The following RELCH variants were observed in gnomAD, a reference collection of about 807,000 sequenced individuals.
RELCH encodes the protein RAB11-binding protein RELCH.
In RELCH, 41 loss-of-function variants were observed where a neutral mutation model predicts 150.3. That is an observed-to-expected ratio of 0.27 (90% confidence interval 0.21 to 0.35). RELCH has a LOEUF of 0.35. RELCH is among the 10% of genes least tolerant of loss of function. The pLI is 1.00. For missense variants in RELCH, 1,092 were observed against 1,467.8 expected (o/e 0.74, Z 4.18); for synonymous variants, 478 against 531.8 (o/e 0.90, Z 1.39).
At chr18:62,235,423 A>G (rs2041830937) in intron 10 of RELCH, 2 of 151,952 alleles carry the variant, frequency 1.3e-5, no homozygotes, top group African/African-American at 4.8e-5. Flanking sequence ...GCACATCACT[A>G]TTGTCTGTTC....
rs572074009 is a variant in RELCH, at chr18:62,220,209, T to G, written c.617-828T>G. 2.6e-5 allele frequency among the ~76,000 whole-genome samples: 4 copies of G among 152,210 alleles called. No individual in the cohort carries two copies. In the South Asian group the frequency reaches 8.3e-4, roughly 32 times the overall value. On this transcript the variant is annotated intron_variant, in intron 2 of 28. Coordinates refer to ENST00000644646, the MANE Select transcript of RELCH (RefSeq NM_001346231.2). Reference sequence around the variant, plus strand: ...CTATTAGAAGAGTTATCAGAAACTTTGAAATTCTACTTAATCCTACTCAGT... The same window carrying G: ...CTATTAGAAGAGTTATCAGAAACTTGGAAATTCTACTTAATCCTACTCAGT...
At chr18:62,232,638 C>T (rs2041650068) in intron 10 of RELCH, among the ~76,000 whole-genome samples, 1 of 151,964 alleles carries the variant, frequency 6.6e-6, no homozygotes, top group Non-Finnish European at 1.5e-5. Context: ...CATGTTTTTC[C>T]AATTTTGCTT....
intron 26 of RELCH, among the ~76,000 whole-genome samples, chr18:62,290,933 C>T (rs900092438): frequency 6.6e-6 from 1 of 152,144 alleles, no homozygotes; most frequent in Admixed American, 6.5e-5. Flanking sequence ...TTGATATAGG[C>T]ATCTCTTTTG....
At chr18:62,283,162 TTATGAAAAACA>T (rs2044610750) in intron 25 of RELCH, among the ~76,000 whole-genome samples, 1 of 152,234 alleles carries the variant, frequency 6.6e-6, no homozygotes, top group Admixed American at 6.5e-5. Context: ...AGACATGTTC[TTATGAAAAACA>T]GACATTTCTT....
intron 22 of RELCH, 91 bp downstream of exon 22, chr18:62,275,564 T>C: frequency 1.3e-6 from 1 of 768,192 alleles, no homozygotes. Flanking sequence ...AAAAAGGCTT[T>C]GCATATCATG....
rs545508432 is a variant in RELCH, at chr18:62,195,211, A to G, written c.526+7180A>G. ...CTTGTAGCATCGTTGTAATGTTCCT[A>G]CTAAATTTACATGATGAACCAATTA... On this transcript the variant is annotated intron_variant, in intron 1 of 28. Transcript: ENST00000644646. Among the ~76,000 whole-genome samples, 4 of 152,206 alleles carry G rather than the reference A, an allele frequency of 2.6e-5. No individual in the cohort carries two copies. In the East Asian group the frequency reaches 7.7e-4, roughly 29 times the overall value.
At chr18:62,273,895 C>A in intron 20 of RELCH, 85 bp from the exon 21 acceptor site, 2 of 831,944 alleles carry the variant, frequency 2.4e-6, no homozygotes, top group Non-Finnish European at 2.0e-6. Context: ...TATTTGGTAA[C>A]ATTTTCTAAT....
At chr18:62,276,276 C>CCA (rs958313494) in intron 22 of RELCH, among the ~76,000 whole-genome samples, 1 of 152,036 alleles carries the variant, frequency 6.6e-6, no homozygotes, top group Non-Finnish European at 1.5e-5. Flanking sequence ...CAAGGTTGAG[C>CCA]CTCTCTGTAC....
chr18:62,236,843 C>T (rs2041903347), intron 10 of RELCH, among the ~76,000 whole-genome samples: 1 of 151,464 alleles, frequency 6.6e-6, no homozygotes, highest in African/African-American at 2.4e-5. Flanking sequence ...TTCTTTCCTT[C>T]TGCTGGCCTT....
intron 11 of RELCH, among the ~76,000 whole-genome samples, chr18:62,247,596 T>G (rs1600067868): frequency 6.6e-6 from 1 of 150,968 alleles, no homozygotes; most frequent in Non-Finnish European, 1.5e-5. Context: ...CAGGCTGGAG[T>G]GCAGAGGCAC....
At chr18:62,245,367 T>C (rs2042351188) in intron 11 of RELCH, among the ~76,000 whole-genome samples, 1 of 152,212 alleles carries the variant, frequency 6.6e-6, no homozygotes, top group African/African-American at 2.4e-5. Flanking sequence ...CTCATGCCTG[T>C]AATCCCAGGA....
chr18:62,217,223 T>C lies in RELCH; in HGVS notation c.617-3814T>C, dbSNP rs191372573. On this transcript the variant is annotated intron_variant, in intron 2 of 28. Coordinates refer to ENST00000644646, the MANE Select transcript of RELCH (RefSeq NM_001346231.2). Reference sequence around the variant, plus strand: ...GTATTTCATGAGAATGTTCATTTCATAGGGAAAAAACAAAAGTGGGAAAAA... The same window carrying C: ...GTATTTCATGAGAATGTTCATTTCACAGGGAAAAAACAAAAGTGGGAAAAA... Among the ~76,000 whole-genome samples the C allele has an allele frequency of 2.2e-3, 340 of 152,046 alleles. 1 individual carries two copies. The highest frequency in any genetic ancestry group is 7.7e-3 in the African/African-American group (321 of 41,528).
At chr18:62,298,922 C>T in intron 28 of RELCH, 62 bp downstream of exon 28, 2 of 922,842 alleles carry the variant, frequency 2.2e-6, no homozygotes, top group Non-Finnish European at 3.4e-6. Context: ...TCTAAATTTG[C>T]TGTCAATCAG....
intron 20 of RELCH, among the ~76,000 whole-genome samples, chr18:62,270,542 T>C (rs2043836200): frequency 6.6e-6 from 1 of 152,172 alleles, no homozygotes; most frequent in Admixed American, 6.5e-5. Flanking sequence ...AAGAAACACC[T>C]TTTCCAATGG....
chr18:62,211,457 T>C (rs1362391875), intron 2 of RELCH, among the ~76,000 whole-genome samples: 2 of 152,226 alleles, frequency 1.3e-5, no homozygotes, highest in Admixed American at 1.3e-4. Context: ...TGTATCCCTA[T>C]AATTTGCTAA....
Position 62,268,908 on chromosome 18 carries a change from TC to T in RELCH, c.2724del (p.Ile909PhefsTer19). On this transcript the variant is annotated frameshift_variant, in exon 20 of 29. Transcript: ENST00000644646. LOFTEE classifies it high-confidence loss of function. ...AGNGVLTKAT[V>X]PIYATGVLTC... ...AATGGGGTCCTCACTAAAGCTACAGTCCCCATTTATGCAACAGGAGTCCTTA... is the reference window on the plus strand; with the variant it reads ...AATGGGGTCCTCACTAAAGCTACAGTCCCATTTATGCAACAGGAGTCCTTA... 1 of 1,555,510 alleles carries T rather than the reference TC, an allele frequency of 6.4e-7. No homozygotes were observed. Among genetic ancestry groups the T allele is most frequent in the Admixed American group, 1.8e-5 (1 of 54,748 alleles).
chr18:62,281,286 G>C (rs1205003794), intron 24 of RELCH, among the ~76,000 whole-genome samples: 3 of 152,144 alleles, frequency 2.0e-5, no homozygotes, highest in Non-Finnish European at 1.5e-5. Context: ...ACAGATTTGA[G>C]GACTGTTTTC....
In RELCH at chr18:62,190,937, GT is replaced by G. The variant is rs369956924; in HGVS notation, c.526+2910del. 1.5e-3 allele frequency among the ~76,000 whole-genome samples: 232 copies of G among 152,304 alleles called. 1 individual carries two copies. Among genetic ancestry groups the G allele is most frequent in the African/African-American group, 5.2e-3 (216 of 41,568 alleles). ...AGTTGAGAACTACGTCTTTAGATAA[GT>G]TTTGCCTGTTCTAAAATTCGATATA... On this transcript the variant is annotated intron_variant, in intron 1 of 28. Coordinates refer to ENST00000644646, the MANE Select transcript of RELCH (RefSeq NM_001346231.2).
chr18:62,214,582 C>A (rs1325086621), intron 2 of RELCH, among the ~76,000 whole-genome samples: 1 of 152,162 alleles, frequency 6.6e-6, no homozygotes, highest in African/African-American at 2.4e-5. Context: ...GCAGCTCTGA[C>A]CCTGCAGTAG....
Sources: gnomAD v4.1 joint callset for allele counts (sites outside exome capture counted in the v4.1 genomes callset) on GRCh38, gnomAD v4.1.1 for gene constraint, MANE v1.5 for transcripts, NCBI Gene and HGNC (gene_info 2026-07-23, HGNC 2026-07-21) for gene names.